KAT6B: variants seen among roughly 807,000 people sequenced by gnomAD.
KAT6B encodes the protein lysine acetyltransferase 6B, also known as histone acetyltransferase KAT6B.
KAT6B carries 10 observed loss-of-function variants against 187.5 expected under a neutral mutation model. The ratio of observed to expected loss-of-function variants is 0.05; its 90% CI spans 0.03 to 0.09. KAT6B has a LOEUF of 0.09. Ranked by LOEUF, KAT6B falls within the 10% of genes least tolerant of loss-of-function variation. The probability of loss-of-function intolerance (pLI) is 1.00; values close to 1 mark genes in which losing one functional copy is unlikely to be tolerated. For synonymous variants in KAT6B, 861 were observed against 926.8 expected (o/e 0.93, Z 1.29); for missense variants, 1,952 against 2,558.9 (o/e 0.76, Z 5.12).
intron 3 of KAT6B, among the ~76,000 whole-genome samples, chr10:74,958,911 G>A (rs557813742): frequency 6.9e-4 from 105 of 151,932 alleles, no homozygotes; most frequent in Non-Finnish European, 1.3e-3. Context: ...GGTGGCACGC[G>A]CCTGTAGTCC....
intron 3 of KAT6B, among the ~76,000 whole-genome samples, chr10:74,857,352 C>T (rs1842888601): frequency 6.6e-6 from 1 of 152,180 alleles, no homozygotes; most frequent in Non-Finnish European, 1.5e-5. Flanking sequence ...GCGCATATTC[C>T]TTGACTCATG....
intron 13 of KAT6B, among the ~76,000 whole-genome samples, chr10:75,010,901 A>C (rs113725440): frequency 7.2e-5 from 11 of 152,238 alleles, no homozygotes; most frequent in African/African-American, 2.7e-4. Flanking sequence ...GCAGGAGAAC[A>C]ATCTTAAAGG....
chr10:74,832,836 A>AT (rs757566660), intron 1 of KAT6B, among the ~76,000 whole-genome samples: 2 of 150,774 alleles, frequency 1.3e-5, no homozygotes, highest in African/African-American at 2.4e-5. Context: ...TAAAAATCAC[A>AT]TTTTTTGGCC....
chr10:74,875,590 C>G (rs1300189173), intron 3 of KAT6B, among the ~76,000 whole-genome samples: 1 of 151,868 alleles, frequency 6.6e-6, no homozygotes, highest in Non-Finnish European at 1.5e-5. Context: ...CTCAGCCACC[C>G]AAGTAGCTGG....
At chr10:74,856,900 CAAAAAGA>C (rs1300205032) in intron 3 of KAT6B, among the ~76,000 whole-genome samples, 1 of 151,012 alleles carries the variant, frequency 6.6e-6, no homozygotes, top group Non-Finnish European at 1.5e-5. Context: ...GACTCTGTCT[CAAAAAGA>C]AAAAAGAAAA....
intron 3 of KAT6B, among the ~76,000 whole-genome samples, chr10:74,948,248 A>T (rs1297314706): frequency 1.3e-5 from 2 of 152,234 alleles, no homozygotes; most frequent in Non-Finnish European, 2.9e-5. Context: ...CACTACTTTT[A>T]TTGGTTCTAT....
upstream of KAT6B, among the ~76,000 whole-genome samples, chr10:74,826,391 G>T (rs577079720): frequency 3.9e-5 from 6 of 152,122 alleles, no homozygotes; most frequent in African/African-American, 1.4e-4. Context: ...GTGCCGGAGG[G>T]GGGGATGATG....
chr10:74,969,519 A>G, intron 4 of KAT6B, 141 bp from the exon 5 acceptor site: 2 of 677,222 alleles, frequency 3.0e-6, no homozygotes, highest in South Asian at 3.2e-5. Flanking sequence ...TGTAATTCGG[A>G]TTCTCTGATC....
chr10:74,886,892 G>C (rs913822958), intron 3 of KAT6B, among the ~76,000 whole-genome samples: 4 of 152,168 alleles, frequency 2.6e-5, no homozygotes, highest in African/African-American at 9.7e-5. Context: ...TGGTAGTTGG[G>C]TGAGTCCTGA....
chr10:74,856,011 C>T (rs553322743), intron 3 of KAT6B, among the ~76,000 whole-genome samples: 17 of 152,220 alleles, frequency 1.1e-4, no homozygotes, highest in South Asian at 4.1e-4. Context: ...TATACTATTA[C>T]GCAAAAAATT....
intron 3 of KAT6B, among the ~76,000 whole-genome samples, chr10:74,849,287 C>A (rs1381887327): frequency 6.9e-6 from 1 of 144,478 alleles, no homozygotes; most frequent in Non-Finnish European, 1.5e-5. Context: ...CCATGCCTGG[C>A]CTAACTAATG....
At chr10:74,941,169 C>A (rs1849643065) in intron 3 of KAT6B, among the ~76,000 whole-genome samples, 1 of 152,096 alleles carries the variant, frequency 6.6e-6, no homozygotes, top group East Asian at 1.9e-4. Flanking sequence ...ATCTGTGCAC[C>A]CGCACCCCCA....
intron 3 of KAT6B, among the ~76,000 whole-genome samples, chr10:74,881,625 A>C (rs1412437141): frequency 6.6e-6 from 1 of 152,154 alleles, no homozygotes; most frequent in Non-Finnish European, 1.5e-5. Context: ...CTGTGTTGCA[A>C]GGATGCCATT....
rs1301619049 is a variant in KAT6B, at chr10:75,022,096, G to A, written c.3237G>A (p.Glu1079=). Residue 1079 remains glutamate (E), a synonymous_variant, in exon 16 of 18, where the codon GAG becomes GAA. Transcript: ENST00000287239. ...AAGAAGAGGAGGAGGAGGACGAGGA[G>A]GAGGAAGAAGAGGAGGAAGAAGAGG... ...SEEEEEEEDE[E]EEEEEEEEEE... The A allele has an allele frequency of 2.5e-6, 4 of 1,583,510 alleles. No homozygotes were observed. Among genetic ancestry groups the A allele is most frequent in the East Asian group, 4.6e-5 (2 of 43,872 alleles).
At chr10:75,023,877 T>C (rs1845622333) in intron 16 of KAT6B, 1 of 151,982 alleles carries the variant, frequency 6.6e-6, no homozygotes, top group Non-Finnish European at 1.5e-5. Context: ...ATAATAATAA[T>C]AATAATTGAA....
intron 13 of KAT6B, among the ~76,000 whole-genome samples, chr10:75,008,674 G>A (rs4746250): frequency 0.31 from 47,624 of 152,080 alleles, 13,004 homozygotes; most frequent in African/African-American, 0.73. Context: ...TTAAAAACTT[G>A]TAGAACATAA....
rs1171901691 is a variant in KAT6B at position 75,005,824 on chromosome 10, T to C, written c.2630-14758T>C. ...GGAGTCCTGCTTTGAGTTAACATCATAGAGGAACGCTTTTTTTCAGCAAAA... is the reference window on the plus strand; with the variant it reads ...GGAGTCCTGCTTTGAGTTAACATCACAGAGGAACGCTTTTTTTCAGCAAAA... On this transcript the variant is annotated intron_variant, in intron 13 of 17. Coordinates refer to ENST00000287239, the MANE Select transcript of KAT6B (RefSeq NM_012330.4). Among the ~76,000 whole-genome samples, 6 of 152,312 alleles carry C rather than the reference T, an allele frequency of 3.9e-5. No individual in the cohort carries two copies. In the East Asian group the frequency reaches 1.2e-3, roughly 29 times the overall value.
intron 12 of KAT6B, among the ~76,000 whole-genome samples, chr10:74,986,003 G>A (rs1263795547): frequency 6.6e-6 from 1 of 152,016 alleles, no homozygotes; most frequent in Non-Finnish European, 1.5e-5. Flanking sequence ...CCGAGATCGC[G>A]CCACTGCACT....
chr10:74,834,848 A>G (rs1841166442), intron 1 of KAT6B, among the ~76,000 whole-genome samples: 1 of 152,184 alleles, frequency 6.6e-6, no homozygotes, highest in South Asian at 2.1e-4. Flanking sequence ...CCTTTTGAGC[A>G]TATACCTGTT....
Sources: gnomAD v4.1 joint callset for allele counts (sites outside exome capture counted in the v4.1 genomes callset) on GRCh38, gnomAD v4.1.1 for gene constraint, MANE v1.5 for transcripts, NCBI Gene and HGNC (gene_info 2026-07-23, HGNC 2026-07-21) for gene names.